The following CES5A variants were observed in gnomAD, a reference collection of about 807,000 sequenced individuals.
The protein encoded by CES5A is carboxylesterase 5.
A neutral mutation model predicts 62.9 loss-of-function variants in CES5A; 67 were observed. That is an observed-to-expected ratio of 1.07 (90% confidence interval 0.88 to 1.31). CES5A has a LOEUF of 1.31. Ranked by LOEUF, CES5A falls within the 50% of genes most tolerant of loss-of-function variation. CES5A has a pLI of 0.00. For missense variants in CES5A, 748 were observed against 708.5 expected (o/e 1.06, Z -0.63); for synonymous variants, 296 against 280.8 (o/e 1.05, Z -0.54).
At chr16:55,854,926 C>T (rs145035020) in intron 9 of CES5A, among the ~76,000 whole-genome samples, 392 of 152,300 alleles carry the variant, frequency 2.6e-3, no homozygotes, top group South Asian at 0.025. Context: ...TAGCTTACAA[C>T]AGCTGAAAGC....
At chr16:55,955,726 T>A in intron 1 of CES5A, 1 of 1,131,292 alleles carries the variant, frequency 8.8e-7, no homozygotes, top group Admixed American at 2.1e-5. Context: ...CCGTGGGGGC[T>A]GACCCAGAGA....
intron 4 of CES5A, among the ~76,000 whole-genome samples, chr16:55,867,649 C>G (rs561443605): frequency 6.6e-6 from 1 of 152,312 alleles, no homozygotes; most frequent in East Asian, 1.9e-4. Context: ...TTCTCCATCT[C>G]TGTTTATCCT....
intron 1 of CES5A, among the ~76,000 whole-genome samples, chr16:55,922,229 T>C (rs2034212572): frequency 6.6e-6 from 1 of 151,786 alleles, no homozygotes; most frequent in African/African-American, 2.4e-5. Flanking sequence ...GTGAACTCAA[T>C]TCCCCAATTA....
chr16:55,872,070 A>G (rs1171554612), intron 2 of CES5A, among the ~76,000 whole-genome samples: 1 of 152,138 alleles, frequency 6.6e-6, no homozygotes, highest in Non-Finnish European at 1.5e-5. Flanking sequence ...TAATATAGAC[A>G]CACATAACGA....
chr16:55,896,626 G>C (rs1192757746), intron 1 of CES5A, among the ~76,000 whole-genome samples: 2 of 152,232 alleles, frequency 1.3e-5, no homozygotes, highest in South Asian at 2.1e-4. Flanking sequence ...GTGGGGTAAG[G>C]CTGGGGCCAG....
chr16:55,879,438 C>T (rs2033738399), upstream of CES5A, among the ~76,000 whole-genome samples: 2 of 151,498 alleles, frequency 1.3e-5, no homozygotes, highest in African/African-American at 4.9e-5. Context: ...AGGCCACTAT[C>T]TCCCATCCCT....
At chr16:55,903,130 A>G (rs779700546) in intron 1 of CES5A, among the ~76,000 whole-genome samples, 21 of 96,264 alleles carry the variant, frequency 2.2e-4, no homozygotes, top group Non-Finnish European at 3.6e-4. Flanking sequence ...GGATGCAGAG[A>G]AAAAAAAAAA....
At chr16:55,881,138 G>T (rs2033757283) in intron 1 of CES5A, among the ~76,000 whole-genome samples, 1 of 152,166 alleles carries the variant, frequency 6.6e-6, no homozygotes, top group South Asian at 2.1e-4. Flanking sequence ...CTTACTAGGA[G>T]ACACAAGACA....
chr16:55,866,071 C>A lies in CES5A; in HGVS notation c.597G>T (p.Gln199His). The A allele has an allele frequency of 6.2e-7, 1 of 1,614,126 alleles. No individual in the cohort carries two copies. The highest frequency in any genetic ancestry group is 1.1e-5 in the South Asian group (1 of 91,068). The stretch of plus-strand genomic sequence containing the variant: ...TCTGGACCCAGGACAGAGCAGCCAC[C>A]TGGTCCTTGAAGGCCCAGTTCCCCG... ...HAPGNWAFKD[Q>H]VAALSWVQKN... Residue 199 changes from glutamine (Q) to histidine (H), a missense_variant, in exon 5 of 13, where the codon CAG (glutamine) becomes CAT (histidine). Coordinates refer to ENST00000290567, the MANE Select transcript of CES5A (RefSeq NM_001143685.2).
chr16:55,905,737 G>C (rs2034034643), intron 1 of CES5A, among the ~76,000 whole-genome samples: 2 of 152,128 alleles, frequency 1.3e-5, no homozygotes, highest in South Asian at 4.1e-4. Context: ...CACTGTCCTG[G>C]TTCCTCTGAG....
chr16:55,947,437 T>C (rs1421174049), intron 2 of CES5A, among the ~76,000 whole-genome samples: 1 of 152,182 alleles, frequency 6.6e-6, no homozygotes, highest in Non-Finnish European at 1.5e-5. Flanking sequence ...TTGACAAACA[T>C]TTATTTAGCA....
In CES5A at chr16:55,922,979, T is replaced by G. The variant is rs181486058; in HGVS notation, c.-256+2344A>C. Among the ~76,000 whole-genome samples the G allele has an allele frequency of 9.9e-5, 15 of 151,844 alleles. No homozygotes were observed. The East Asian group carries it at 2.9e-3, about 29-fold the overall frequency. The stretch of plus-strand genomic sequence containing the variant: ...AGAAGTTAAGAAGGAATTTAAAAAT[T>G]TATTGAAAAAAATGAAAATGAAAAT... On this transcript the variant is annotated intron_variant, in intron 1 of 12. Coordinates refer to the CES5A transcript ENST00000518005.
intron 1 of CES5A, among the ~76,000 whole-genome samples, chr16:55,951,399 CTT>C (rs2034555832): frequency 6.6e-6 from 1 of 152,020 alleles, no homozygotes; most frequent in South Asian, 2.1e-4. Flanking sequence ...CAATATGTCT[CTT>C]AAAATGCATC....
At chr16:55,905,803 T>C (rs780367718) in intron 1 of CES5A, among the ~76,000 whole-genome samples, 1 of 152,182 alleles carries the variant, frequency 6.6e-6, no homozygotes, top group Non-Finnish European at 1.5e-5. Flanking sequence ...TGACGCAAAG[T>C]CCTCGTGATT....
chr16:55,932,482 T>C (rs1416426950), intron 2 of CES5A, among the ~76,000 whole-genome samples: 1 of 150,728 alleles, frequency 6.6e-6, no homozygotes, highest in Non-Finnish European at 1.5e-5. Flanking sequence ...GTTAGTTGCT[T>C]ACTTCATTTG....
At position 55,849,680 on chromosome 16, in the gene CES5A, T is replaced by A. The variant is rs756934816; in HGVS notation, c.1367A>T (p.Asp456Val). The A allele has an allele frequency of 1.2e-6, 2 of 1,613,972 alleles. No individual in the cohort carries two copies. Among genetic ancestry groups the A allele is most frequent in the Non-Finnish European group, 1.7e-6 (2 of 1,179,898 alleles). ...KPAFVKADHA[D>V]EVRFVFGGAF... Reference sequence around the variant, plus strand: ...ACCACCGAACACAAAGCGGACTTCATCAGCGTGGTCGGCTTTGACAAAAGC... The same window carrying A: ...ACCACCGAACACAAAGCGGACTTCAACAGCGTGGTCGGCTTTGACAAAAGC... The change falls in exon 11 of 13, where the codon GAT (aspartate) becomes GTT (valine). Residue 456 changes from aspartate (D) to valine (V), a missense_variant. By Grantham distance (152) the Asp-to-Val change is radical. Transcript: ENST00000290567.
intron 1 of CES5A, among the ~76,000 whole-genome samples, chr16:55,924,602 T>C (rs1377203684): frequency 2.6e-5 from 4 of 151,816 alleles, no homozygotes; most frequent in Admixed American, 2.0e-4. Context: ...CAAAAGACCC[T>C]TAATAGCCAA....
chr16:55,954,536 C>CT (rs1260737835), intron 1 of CES5A, among the ~76,000 whole-genome samples: 3 of 152,030 alleles, frequency 2.0e-5, no homozygotes, highest in Non-Finnish European at 2.9e-5. Context: ...AACACAGTAA[C>CT]TTTTTTTTGC....
intron 11 of CES5A, 24 bp from the exon 12 acceptor site, chr16:55,846,864 C>T (rs375840439): frequency 1.2e-6 from 2 of 1,608,188 alleles, no homozygotes; most frequent in Non-Finnish European, 8.5e-7. Context: ...TCACAAAATG[C>T]TGCTGCTCTG....
Sources: gnomAD v4.1 joint callset for allele counts (sites outside exome capture counted in the v4.1 genomes callset) on GRCh38, gnomAD v4.1.1 for gene constraint, MANE v1.5 for transcripts, NCBI Gene and HGNC (gene_info 2026-07-23, HGNC 2026-07-21) for gene names.